RSRC1: variants seen among roughly 807,000 people sequenced by gnomAD.
The protein encoded by RSRC1 is arginine and serine rich coiled-coil 1.
In RSRC1, 39 loss-of-function variants were observed where a neutral mutation model predicts 49.1. The observed-to-expected ratio is 0.79, with a 90% CI of 0.61 to 1.04. The LOEUF (loss-of-function observed/expected upper bound fraction) is 1.04. Among genes scored for constraint, RSRC1 ranks in the 50% least tolerant of loss-of-function variants. The pLI is 0.00. For synonymous variants in RSRC1, 143 were observed against 130.8 expected, an observed-to-expected ratio of 1.09 and a Z score of -0.63; for missense variants, 388 against 402.4, an observed-to-expected ratio of 0.96 and a Z score of 0.31.
chr3:158,149,822 A>G (rs1717412589), intron 3 of RSRC1, among the ~76,000 whole-genome samples: 1 of 152,180 alleles, frequency 6.6e-6, no homozygotes, highest in Non-Finnish European at 1.5e-5. Flanking sequence ...TTGAAAAATC[A>G]TGTTCCTATT....
At chr3:158,457,987 G>A (rs1737429223) in intron 6 of RSRC1, among the ~76,000 whole-genome samples, 2 of 152,002 alleles carry the variant, frequency 1.3e-5, no homozygotes, top group Admixed American at 1.3e-4. Flanking sequence ...ATCCTGAAGG[G>A]TATGAAAAGG....
intron 4 of RSRC1, among the ~76,000 whole-genome samples, chr3:158,228,622 A>C (rs1221433125): frequency 6.6e-6 from 1 of 151,990 alleles, no homozygotes; most frequent in African/African-American, 2.4e-5. Flanking sequence ...TTATCAAACT[A>C]TCATTAGATG....
At chr3:158,285,375 G>A (rs1366680843) in intron 4 of RSRC1, among the ~76,000 whole-genome samples, 8 of 152,220 alleles carry the variant, frequency 5.3e-5, no homozygotes, top group Non-Finnish European at 1.0e-4. Flanking sequence ...TTGGCAATGC[G>A]GGCTCTTTTT....
intron 7 of RSRC1, among the ~76,000 whole-genome samples, chr3:158,493,078 A>G (rs1739153861): frequency 1.3e-5 from 2 of 152,138 alleles, no homozygotes; most frequent in African/African-American, 2.4e-5. Context: ...AATTAACTCT[A>G]CTGGAGGGGG....
rs562135891 is a variant in RSRC1 at position 158,342,845 on chromosome 3, G to GA, written c.532-12005dup. 2.8e-3 allele frequency among the ~76,000 whole-genome samples: 423 copies of GA among 152,126 alleles called. 2 individuals carry two copies. The highest frequency in any genetic ancestry group is 8.7e-3 in the African/African-American group (360 of 41,502). ...AGTATGATGATTCCTGAGAGATGGG[G>GA]AAAAAAATGAGGTGATTCCTATGAT... On this transcript the variant is annotated intron_variant, in intron 5 of 9. Coordinates refer to ENST00000611884, the MANE Select transcript of RSRC1 (RefSeq NM_001271838.2).
intron 7 of RSRC1, among the ~76,000 whole-genome samples, chr3:158,474,925 G>T (rs995632419): frequency 2.4e-4 from 36 of 152,020 alleles, no homozygotes; most frequent in African/African-American, 8.2e-4. Context: ...AGGGGAGACG[G>T]GGGTGGTTGA....
chr3:158,323,140 A>G (rs1025409183), intron 5 of RSRC1, among the ~76,000 whole-genome samples: 7 of 151,922 alleles, frequency 4.6e-5, no homozygotes, highest in Non-Finnish European at 1.0e-4. Flanking sequence ...TAATTTACCA[A>G]TTTTGTTCTT....
At chr3:158,521,820 G>A (rs1476165337) in intron 7 of RSRC1, among the ~76,000 whole-genome samples, 2 of 151,978 alleles carry the variant, frequency 1.3e-5, no homozygotes, top group East Asian at 3.9e-4. Flanking sequence ...TGAGGAATGG[G>A]CTAAAATATA....
chr3:158,431,384 C>T (rs1185041419), intron 6 of RSRC1, among the ~76,000 whole-genome samples: 1 of 151,766 alleles, frequency 6.6e-6, no homozygotes, highest in Non-Finnish European at 1.5e-5. Flanking sequence ...TTTGAAACAA[C>T]CCAGATTTTC....
intron 3 of RSRC1, among the ~76,000 whole-genome samples, chr3:158,198,302 T>C (rs1410480083): frequency 6.6e-6 from 1 of 152,168 alleles, no homozygotes; most frequent in Non-Finnish European, 1.5e-5. Context: ...TATCAGAGAC[T>C]AGGATTGCAA....
rs939082862 is a variant in RSRC1, at chr3:158,544,328, G to A, written c.*53G>A. On this transcript the variant is annotated 3_prime_UTR_variant, in exon 10 of 10. Transcript: ENST00000611884. ...GTCAGCAGTAACATTGGAAATTTAG[G>A]TTTTTAAATCCCAATATTAACTTTT... 5 of 1,182,312 alleles carry A rather than the reference G, an allele frequency of 4.2e-6. No homozygotes were observed. The highest frequency in any genetic ancestry group is 6.0e-6 in the Non-Finnish European group (5 of 830,074). The allele number at this position is 1,182,312 out of a possible 1,614,324, so 73.2% of individuals were successfully genotyped here. A position where few individuals can be genotyped will look rare whatever the true frequency, so the allele number is the denominator to read the frequency against.
At chr3:158,404,860 T>C (rs1488070523) in intron 6 of RSRC1, among the ~76,000 whole-genome samples, 1 of 152,014 alleles carries the variant, frequency 6.6e-6, no homozygotes, top group Admixed American at 6.6e-5. Flanking sequence ...GGGTAATGAA[T>C]ACTTACCTTA....
chr3:158,245,120 T>C (rs907976500), intron 4 of RSRC1, among the ~76,000 whole-genome samples: 2 of 123,298 alleles, frequency 1.6e-5, no homozygotes, highest in South Asian at 2.9e-4. Flanking sequence ...CTTTTAGTTA[T>C]TAATTTGAGA....
intron 6 of RSRC1, among the ~76,000 whole-genome samples, chr3:158,413,917 G>C (rs139089746): frequency 1.3e-5 from 2 of 152,274 alleles, no homozygotes; most frequent in African/African-American, 4.8e-5. Context: ...CATTGTGGAA[G>C]TCAGTGTGGA....
intron 3 of RSRC1, among the ~76,000 whole-genome samples, chr3:158,202,386 T>C (rs908933544): frequency 8.6e-5 from 13 of 151,290 alleles, no homozygotes; most frequent in Non-Finnish European, 1.9e-4. Context: ...CTCATCTTCA[T>C]GTTGAATAGG....
intron 4 of RSRC1, among the ~76,000 whole-genome samples, chr3:158,270,639 T>A (rs1725463347): frequency 6.6e-6 from 1 of 152,236 alleles, no homozygotes; most frequent in South Asian, 2.1e-4. Flanking sequence ...TATTGTCATT[T>A]TATAATATCA....
chr3:158,531,165 A>C (rs765431082), intron 7 of RSRC1, among the ~76,000 whole-genome samples: 42 of 151,328 alleles, frequency 2.8e-4, no homozygotes, highest in African/African-American at 9.5e-4. Context: ...TGGGGAGAAG[A>C]AGCTTTCACT....
At chr3:158,328,484 C>G (rs1729321245) in intron 5 of RSRC1, among the ~76,000 whole-genome samples, 1 of 152,160 alleles carries the variant, frequency 6.6e-6, no homozygotes, top group Non-Finnish European at 1.5e-5. Context: ...ATTTCTCCTT[C>G]ACTTATGAAG....
At chr3:158,335,164 G>T (rs1729813195) in intron 5 of RSRC1, among the ~76,000 whole-genome samples, 1 of 152,152 alleles carries the variant, frequency 6.6e-6, no homozygotes, top group African/African-American at 2.4e-5. Flanking sequence ...TAGAGAGGTG[G>T]CAGTCTGTAG....
Sources: allele counts gnomAD v4.1 joint callset (sites outside exome capture counted in the v4.1 genomes callset), GRCh38; gene constraint gnomAD v4.1.1; transcripts MANE v1.5; gene names NCBI Gene and HGNC (gene_info 2026-07-23, HGNC 2026-07-21).